The following NBPF11 variants were observed in gnomAD, a reference collection of about 807,000 sequenced individuals.
NBPF11 encodes the protein NBPF family member NBPF11.
Under a neutral mutation model 93.9 loss-of-function variants are expected in NBPF11, and 72 were observed. The observed-to-expected ratio is 0.77, with a 90% CI of 0.63 to 0.93. The LOEUF (loss-of-function observed/expected upper bound fraction) is 0.93. Ranked by LOEUF, NBPF11 falls within the 40% of genes least tolerant of loss-of-function variation. NBPF11 has a pLI of 0.00. For synonymous variants in NBPF11, 224 were observed against 304.9 expected, an observed-to-expected ratio of 0.73 and a Z score of 2.76; for missense variants, 705 against 802.2, an observed-to-expected ratio of 0.88 and a Z score of 1.46.
chr1:148,104,241 T>G (rs878967547), intron 23 of NBPF11, among the ~76,000 whole-genome samples: 1 of 144,960 alleles, frequency 6.9e-6, no homozygotes, highest in Non-Finnish European at 1.5e-5. Context: ...CACAGCAAAC[T>G]GTGATCATGA....
intron 17 of NBPF11, among the ~76,000 whole-genome samples, 193 bp from the exon 18 acceptor site, chr1:148,108,847 AC>A (rs1664498410): frequency 3.1e-5 from 3 of 96,994 alleles, no homozygotes; most frequent in Non-Finnish European, 5.7e-5. Flanking sequence ...AGAAAGACAC[AC>A]ACACACACAC....
intron 2 of NBPF11, among the ~76,000 whole-genome samples, chr1:148,138,011 A>C (rs1463370681): frequency 4.0e-5 from 6 of 151,272 alleles, no homozygotes; most frequent in Non-Finnish European, 7.4e-5. Context: ...CTTAGTATTT[A>C]TTGATCATTA....
intron 21 of NBPF11, among the ~76,000 whole-genome samples, chr1:148,105,811 C>T (rs1189523467): frequency 7.2e-6 from 1 of 138,590 alleles, no homozygotes; most frequent in African/African-American, 3.0e-5. Flanking sequence ...AGTGAATTGT[C>T]CAGGTGACAC....
At chr1:148,146,972 C>G in intron 1 of NBPF11, 2 of 1,509,634 alleles carry the variant, frequency 1.3e-6, no homozygotes, top group East Asian at 2.5e-5. Context: ...AAGAGGGGAC[C>G]AGGCGGGGGG....
At chr1:148,138,250 TGGAATATACAATCG>T (rs1360242044) in intron 2 of NBPF11, among the ~76,000 whole-genome samples, 2 of 150,870 alleles carry the variant, frequency 1.3e-5, no homozygotes, top group African/African-American at 4.9e-5. Flanking sequence ...TCTCAGTAGA[TGGAATATACAATCG>T]GGCTTTACAC....
At chr1:148,113,106 T>C (rs1665691850) in intron 15 of NBPF11, among the ~76,000 whole-genome samples, 1 of 151,974 alleles carries the variant, frequency 6.6e-6, no homozygotes, top group African/African-American at 2.4e-5. Flanking sequence ...CAGGATCAAA[T>C]TCACACATAA....
chr1:148,129,134 A>ATATATACACGTGTATATGTATTATTTC (rs1669785981), intron 4 of NBPF11, among the ~76,000 whole-genome samples: 1 of 144,458 alleles, frequency 6.9e-6, no homozygotes, highest in Admixed American at 6.9e-5. Flanking sequence ...TGTATTATTT[A>ATATATACACGTGTATATGTATTATTTC]TATATACACA....
In NBPF11 at chr1:148,124,947, A is replaced by G; in HGVS notation, c.230T>C (p.Phe77Ser). The G allele has an allele frequency of 6.2e-7, 1 of 1,609,532 alleles. No individual in the cohort carries two copies. The highest frequency in any genetic ancestry group is 8.5e-7 in the Non-Finnish European group (1 of 1,179,382). ...CTGCTCTGCAAGCTTCTCCTCCTTGAACTGTCGCTCATTCCTCAGCATAAA... is the reference window on the plus strand; with the variant it reads ...CTGCTCTGCAAGCTTCTCCTCCTTGGACTGTCGCTCATTCCTCAGCATAAA... ...IKFMLRNERQ[F>S]KEEKLAEQLK... is the part of the protein sequence containing the mutation. Residue 77 changes from phenylalanine to serine, a missense_variant, in exon 6 of 24, where the codon TTC becomes TCC. Phe to Ser is a radical substitution (Grantham distance 155). Transcript: ENST00000682118.
chr1:148,116,012 T>C lies in NBPF11; in HGVS notation c.1380-14A>G. On this transcript the variant is annotated splice_polypyrimidine_tract_variant and intron_variant, in intron 13 of 23. Transcript: ENST00000682118. ...TTCTGCATCTCCCTGATGAGCCAGG[T>C]GGGACAGAGATGACAGAAGATTAAA... 7.3e-7 allele frequency: 1 copy of C among 1,367,778 alleles called. No individual in the cohort carries two copies. Among genetic ancestry groups the C allele is most frequent in the Non-Finnish European group, 1.0e-6 (1 of 970,428 alleles). 84.7% of individuals were successfully genotyped at this position (1,367,778 alleles called of 1,614,324 possible). A position where few individuals can be genotyped will look rare whatever the true frequency, so the allele number is the denominator to read the frequency against.
rs1446543431 is a variant in NBPF11, at chr1:148,102,563, G to A, written c.*1333C>T. On this transcript the variant is annotated 3_prime_UTR_variant, in exon 24 of 24. Transcript: ENST00000682118. ...GCTGAGGTTGGAAACTCACAGCATT[G>A]TCTCTGCAGTGTTCCCGTCAAAAAG... is the stretch of plus-strand genomic sequence containing the variant. 1 of 151,480 alleles carries A rather than the reference G, an allele frequency of 6.6e-6. No individual in the cohort carries two copies. Among genetic ancestry groups the A allele is most frequent in the African/African-American group, 2.4e-5 (1 of 40,818 alleles). The allele number at this position is 151,480 out of a possible 1,614,324, so 9.4% of individuals were successfully genotyped here.
At chr1:148,149,442 G>T (rs1371226044) in intron 1 of NBPF11, 3 of 1,585,262 alleles carry the variant, frequency 1.9e-6, no homozygotes, top group African/African-American at 2.7e-5. Context: ...TACGAGCGCT[G>T]CCCCAAGGCG....
chr1:148,132,214 T>TATAC (rs1238871516), intron 4 of NBPF11, among the ~76,000 whole-genome samples: 15 of 76,026 alleles, frequency 2.0e-4, no homozygotes, highest in Admixed American at 3.7e-4. Flanking sequence ...TATATATATA[T>TATAC]ACACACACAC....
chr1:148,119,758 G>A (rs1237155743), intron 10 of NBPF11, among the ~76,000 whole-genome samples: 18 of 151,932 alleles, frequency 1.2e-4, no homozygotes, highest in African/African-American at 4.1e-4. Flanking sequence ...TGGGTTCAAA[G>A]GATTCTACTG....
At chr1:148,132,214 T>C (rs868929106) in intron 4 of NBPF11, among the ~76,000 whole-genome samples, 3,960 of 75,796 alleles carry the variant, frequency 0.052, 127 homozygotes, top group African/African-American at 0.13. Context: ...TATATATATA[T>C]ACACACACAC....
At chr1:148,131,318 T>C (rs1379718251) in intron 4 of NBPF11, among the ~76,000 whole-genome samples, 2 of 151,686 alleles carry the variant, frequency 1.3e-5, no homozygotes, top group African/African-American at 4.9e-5. Flanking sequence ...CGAGTTTTAC[T>C]GGGGGTCTGA....
At chr1:148,110,230 C>T (rs1664922816) in intron 16 of NBPF11, 148 bp downstream of exon 16, 9 of 935,034 alleles carry the variant, frequency 9.6e-6, no homozygotes, top group East Asian at 2.4e-5. Context: ...AGACTCGACT[C>T]CAGAGTGATT....
At chr1:148,137,509 G>A (rs1342208979) in intron 3 of NBPF11, among the ~76,000 whole-genome samples, 12 of 152,176 alleles carry the variant, frequency 7.9e-5, no homozygotes, top group South Asian at 2.1e-4. Context: ...CAGAGAACCC[G>A]GCCGCTTCAT....
At chr1:148,132,034 A>C (rs1232671047) in intron 4 of NBPF11, among the ~76,000 whole-genome samples, 1 of 134,668 alleles carries the variant, frequency 7.4e-6, no homozygotes, top group Non-Finnish European at 1.6e-5. Flanking sequence ...TCCTATGCTA[A>C]TTGACCATTC....
At chr1:148,129,104 A>AT (rs1669762637) in intron 4 of NBPF11, among the ~76,000 whole-genome samples, 34 of 112,544 alleles carry the variant, frequency 3.0e-4, no homozygotes, top group African/African-American at 1.0e-3. Flanking sequence ...ATATATATAT[A>AT]ATATATATAC....
Sources: allele counts gnomAD v4.1 joint callset (sites outside exome capture counted in the v4.1 genomes callset), GRCh38; gene constraint gnomAD v4.1.1; transcripts MANE v1.5; gene names NCBI Gene and HGNC (gene_info 2026-07-23, HGNC 2026-07-21).